ANKRD45: variants seen among roughly 807,000 people sequenced by gnomAD.
ANKRD45 encodes ankyrin repeat domain-containing protein 45.
Under a neutral mutation model 28.1 loss-of-function variants are expected in ANKRD45, and 21 were observed. That is an observed-to-expected ratio of 0.75 (90% confidence interval 0.53 to 1.08). The LOEUF (loss-of-function observed/expected upper bound fraction) is 1.08. Among genes scored for constraint, ANKRD45 ranks in the 50% least tolerant of loss-of-function variants. ANKRD45 has a pLI of 0.00. For synonymous variants in ANKRD45, 86 were observed against 103.9 expected (o/e 0.83, Z 1.05); for missense variants, 261 against 308.7 (o/e 0.85, Z 1.16).
chr1:173,613,755 C>T (rs1402357699), intron 5 of ANKRD45, among the ~76,000 whole-genome samples: 1 of 152,224 alleles, frequency 6.6e-6, no homozygotes, highest in African/African-American at 2.4e-5. Context: ...GGCCACCACC[C>T]CGTCTGGGAG....
At chr1:173,635,639 G>A (rs1205609869) in intron 3 of ANKRD45, 1 of 1,535,520 alleles carries the variant, frequency 6.5e-7, no homozygotes, top group African/African-American at 1.4e-5. Context: ...GATTCTTCCA[G>A]AAGAAGTACA....
rs182792030 is a variant in ANKRD45, at chr1:173,650,569, C to A, written c.329-3556G>T. 2.0e-5 allele frequency among the ~76,000 whole-genome samples: 3 copies of A among 152,064 alleles called. No homozygotes were observed. In the East Asian group the frequency reaches 5.8e-4, roughly 29 times the overall value. On this transcript the variant is annotated intron_variant, in intron 2 of 5. Transcript: ENST00000333279. ...TAGTGCCGCAATAAACATACGTGTG[C>A]GTGTGTCTTTATAGTAGCATGATTT...
upstream of ANKRD45, among the ~76,000 whole-genome samples, chr1:173,673,446 G>A (rs543557853): frequency 8.5e-5 from 13 of 152,120 alleles, no homozygotes; most frequent in South Asian, 2.1e-4. Flanking sequence ...AGTCATGTCC[G>A]TTGTACAATG....
intron 1 of ANKRD45, among the ~76,000 whole-genome samples, chr1:173,660,332 A>C (rs1202041920): frequency 6.6e-6 from 1 of 152,230 alleles, no homozygotes; most frequent in Non-Finnish European, 1.5e-5. Flanking sequence ...TCACAACAGC[A>C]AAAAACCCAG....
At chr1:173,630,314 T>C (rs1668132104) in intron 3 of ANKRD45, among the ~76,000 whole-genome samples, 2 of 152,158 alleles carry the variant, frequency 1.3e-5, no homozygotes, top group African/African-American at 4.8e-5. Flanking sequence ...GTATTTTGAA[T>C]AGAAAGACTA....
chr1:173,648,811 G>A (rs1571750098), intron 2 of ANKRD45, among the ~76,000 whole-genome samples: 1 of 151,998 alleles, frequency 6.6e-6, no homozygotes, highest in East Asian at 1.9e-4. Flanking sequence ...TATTGATTTG[G>A]GTCTCTCCTT....
chr1:173,692,851 T>C, the ANKRD45 span, among the ~76,000 whole-genome samples: 6 of 152,194 alleles, frequency 3.9e-5, no homozygotes, highest in Non-Finnish European at 7.3e-5. Flanking sequence ...TCAGTGATTA[T>C]TTCACCAGGC....
intron 3 of ANKRD45, among the ~76,000 whole-genome samples, chr1:173,630,749 G>A (rs1417026787): frequency 1.4e-5 from 2 of 146,052 alleles, no homozygotes; most frequent in Non-Finnish European, 3.0e-5. Context: ...GAAGCCAGGA[G>A]GCAGAGGTTG....
chr1:173,664,995 T>C (rs891442815), intron 1 of ANKRD45, among the ~76,000 whole-genome samples: 7 of 152,174 alleles, frequency 4.6e-5, no homozygotes, highest in African/African-American at 1.7e-4. Flanking sequence ...TAGTCTATGA[T>C]TGTTCTAAGA....
At chr1:173,612,739 C>T (rs1236350636) in intron 5 of ANKRD45, 3 of 157,048 alleles carry the variant, frequency 1.9e-5, no homozygotes, top group Non-Finnish European at 4.2e-5. Flanking sequence ...TGCAGGCGCG[C>T]GCCGCCACGC....
chr1:173,612,010 G>A (rs565113760), intron 5 of ANKRD45, among the ~76,000 whole-genome samples: 8 of 152,254 alleles, frequency 5.3e-5, no homozygotes, highest in South Asian at 4.1e-4. Flanking sequence ...TTGGGAGGCC[G>A]AGGCAAGTAG....
intron 2 of ANKRD45, among the ~76,000 whole-genome samples, chr1:173,654,087 G>T (rs890831305): frequency 6.6e-6 from 1 of 150,838 alleles, no homozygotes. Context: ...TTTTAATTGC[G>T]GCATTTACAT....
chr1:173,650,297 A>T (rs1571752582), intron 2 of ANKRD45, among the ~76,000 whole-genome samples: 1 of 151,986 alleles, frequency 6.6e-6, no homozygotes, highest in Non-Finnish European at 1.5e-5. Flanking sequence ...GATGTTCCCC[A>T]CCCTGTGTCC....
At chr1:173,696,741 C>CT in the ANKRD45 span, among the ~76,000 whole-genome samples, 4,161 of 152,056 alleles carry the variant, frequency 0.027, 202 homozygotes, top group African/African-American at 0.096. Context: ...CTTAGGATTG[C>CT]TTTTGCTATT....
chr1:173,710,393 A>G, the ANKRD45 span, among the ~76,000 whole-genome samples: 5 of 152,202 alleles, frequency 3.3e-5, no homozygotes, highest in African/African-American at 1.2e-4. Context: ...AGGTCCAAGC[A>G]GGCAACTTGA....
rs1392451170 is a variant in ANKRD45 at position 173,650,436 on chromosome 1, CT to C, written c.329-3424del. Reference sequence around the variant, plus strand: ...TCCCTGCACAGGATATGAACTCATCCTTTTTTATGGCTGCAGAGCATTCCGT... The same window carrying C: ...TCCCTGCACAGGATATGAACTCATCCTTTTTATGGCTGCAGAGCATTCCGT... On this transcript the variant is annotated intron_variant, in intron 2 of 5. Transcript: ENST00000333279. Among the ~76,000 whole-genome samples, 14 of 152,260 alleles carry C rather than the reference CT, an allele frequency of 9.2e-5. No homozygotes were observed. In the East Asian group the frequency reaches 2.7e-3, roughly 29 times the overall value.
intron 2 of ANKRD45, 176 bp downstream of exon 2, chr1:173,658,915 G>T (rs1181151471): frequency 2.0e-6 from 2 of 981,754 alleles, no homozygotes; most frequent in African/African-American, 3.3e-5. Context: ...ACTATACTAT[G>T]TAATATCAAC....
chr1:173,624,812 A>G lies in ANKRD45; in HGVS notation c.705T>C (p.Pro235=). The G allele has an allele frequency of 1.9e-6, 3 of 1,613,782 alleles. No homozygotes were observed. Among genetic ancestry groups the G allele is most frequent in the Non-Finnish European group, 2.5e-6 (3 of 1,179,842 alleles). The change falls in exon 5 of 6, where the codon CCT becomes CCC. Residue 235 remains proline, a synonymous_variant. Coordinates refer to ENST00000333279, the MANE Select transcript of ANKRD45 (RefSeq NM_198493.3). ...QRQQLEDIVT[P]IFTKMTTPCQ... ...ATGGTGTAGTCATTTTTGTGAAGATAGGAGTCACAATATCTTCCAGTTGTT... is the reference window on the plus strand; with the variant it reads ...ATGGTGTAGTCATTTTTGTGAAGATGGGAGTCACAATATCTTCCAGTTGTT...
At chr1:173,699,831 C>G in the ANKRD45 span, among the ~76,000 whole-genome samples, 1 of 152,026 alleles carries the variant, frequency 6.6e-6, no homozygotes, top group African/African-American at 2.4e-5. Flanking sequence ...GGCAATCAGG[C>G]AAGAGAAAGA....
Sources: allele counts gnomAD v4.1 joint callset (sites outside exome capture counted in the v4.1 genomes callset), GRCh38; gene constraint gnomAD v4.1.1; transcripts MANE v1.5; gene names NCBI Gene and HGNC (gene_info 2026-07-23, HGNC 2026-07-21).